ADGRF3: variants seen among roughly 807,000 people sequenced by gnomAD.
ADGRF3 encodes adhesion G protein-coupled receptor F3.
In ADGRF3, 85 loss-of-function variants were observed where a neutral mutation model predicts 93.2. That is an observed-to-expected ratio of 0.91 (90% confidence interval 0.77 to 1.09). The LOEUF is 1.09. Ranked by LOEUF, ADGRF3 falls within the 50% of genes least tolerant of loss-of-function variation. The probability of loss-of-function intolerance (pLI) is 0.00; values close to 1 mark genes in which losing one functional copy is unlikely to be tolerated. For synonymous variants in ADGRF3, 534 were observed against 532.5 expected, an observed-to-expected ratio of 1.00 and a Z score of -0.04; for missense variants, 1,125 against 1,246.2, an observed-to-expected ratio of 0.90 and a Z score of 1.46.
intron 1 of ADGRF3, among the ~76,000 whole-genome samples, chr2:26,338,865 C>A (rs541008964): frequency 6.6e-6 from 1 of 151,680 alleles, no homozygotes; most frequent in African/African-American, 2.4e-5. Flanking sequence ...TGGCTGGGTG[C>A]GGTGGCTCAC....
intron 1 of ADGRF3, among the ~76,000 whole-genome samples, chr2:26,320,535 T>C (rs984978268): frequency 1.3e-5 from 2 of 152,178 alleles, no homozygotes; most frequent in African/African-American, 2.4e-5. Context: ...TTGATAAACA[T>C]ATACAAACCT....
intron 10 of ADGRF3, 29 bp downstream of exon 10, chr2:26,310,663 A>G (rs1574692026): frequency 6.9e-6 from 11 of 1,590,426 alleles, no homozygotes; most frequent in East Asian, 4.6e-5. Context: ...TAAAAAAGCA[A>G]AAAACACAGC....
intron 1 of ADGRF3, among the ~76,000 whole-genome samples, chr2:26,345,545 C>T (rs917394221): frequency 6.6e-6 from 1 of 152,180 alleles, no homozygotes; most frequent in African/African-American, 2.4e-5. Flanking sequence ...GCTGACCGCA[C>T]AAAGACTCCC....
chr2:26,314,800 A>G lies in ADGRF3; in HGVS notation c.719-177T>C, dbSNP rs1674511725. On this transcript the variant is annotated intron_variant, in intron 5 of 13. Transcript: ENST00000651242. ...TGGTGGACATTCCCTGTCCCCAAGAAGGATTTCTAGGAGGTAGAAGAGATC... is the reference window on the plus strand; with the variant it reads ...TGGTGGACATTCCCTGTCCCCAAGAGGGATTTCTAGGAGGTAGAAGAGATC... 14 of 607,254 alleles carry G rather than the reference A, an allele frequency of 2.3e-5. No homozygotes were observed. In the South Asian group the frequency reaches 2.8e-4, roughly 12 times the overall value. 37.6% of individuals were successfully genotyped at this position (607,254 alleles called of 1,614,324 possible). A position where few individuals can be genotyped will look rare whatever the true frequency, so the allele number is the denominator to read the frequency against.
intron 1 of ADGRF3, among the ~76,000 whole-genome samples, chr2:26,327,799 G>T (rs984528835): frequency 2.0e-5 from 3 of 151,188 alleles, no homozygotes; most frequent in African/African-American, 7.3e-5. Context: ...ACTCCCAGAG[G>T]ACTCCAGGAC....
At chr2:26,335,196 A>G (rs954801623) in intron 1 of ADGRF3, among the ~76,000 whole-genome samples, 3 of 152,066 alleles carry the variant, frequency 2.0e-5, no homozygotes, top group East Asian at 1.9e-4. Flanking sequence ...GTTATTCCCA[A>G]TCCTTCCCTG....
At position 26,313,070 on chromosome 2, in the gene ADGRF3, G is replaced by T. The variant is rs567737388; in HGVS notation, c.1322C>A (p.Ala441Glu). The T allele has an allele frequency of 1.2e-6, 2 of 1,614,044 alleles. No individual in the cohort carries two copies. Among genetic ancestry groups the T allele is most frequent in the East Asian group, 4.5e-5 (2 of 44,886 alleles). Reference sequence around the variant, plus strand: ...CTCTGCCGCCTGCCCTGGCAGCTGTGCCAGGATCTGTGGCACCTCCTCAGC... The same window carrying T: ...CTCTGCCGCCTGCCCTGGCAGCTGTTCCAGGATCTGTGGCACCTCCTCAGC... ...SPAEEVPQILAQLPGQAAEAS... is the reference protein window; with the variant it reads ...SPAEEVPQILEQLPGQAAEAS... The change falls in exon 9 of 14, where the codon GCA (alanine) becomes GAA (glutamate). Residue 441 changes from alanine (A) to glutamate (E), a missense_variant. Transcript: ENST00000651242.
chr2:26,311,190 G>A lies in ADGRF3; in HGVS notation c.2334C>T (p.Phe778=), dbSNP rs914124120. The part of the protein sequence containing the change: ...PRSPLCLAAA[F]LCHFLYLATF... The stretch of plus-strand genomic sequence containing the variant: ...TGGCCAGGTAGAGGAAATGACAGAG[G>A]AAGGCGGCAGCAAGGCAGAGCGGGC... Residue 778 remains phenylalanine, a synonymous_variant, in exon 10 of 14, where the codon TTC becomes TTT. Transcript: ENST00000651242. 1.2e-6 allele frequency: 2 copies of A among 1,600,074 alleles called. No homozygotes were observed. The highest frequency in any genetic ancestry group is 1.7e-6 in the Non-Finnish European group (2 of 1,173,696).
chr2:26,311,382 T>A lies in ADGRF3; in HGVS notation c.2142A>T (p.Ile714=), dbSNP rs114354727. The A allele has an allele frequency of 1.5e-5, 25 of 1,613,766 alleles. No homozygotes were observed. The highest frequency in any genetic ancestry group is 2.1e-5 in the Non-Finnish European group (25 of 1,179,880). ...CACCCAGGCACACAAGCAGCGCCAGTATGGAAGCTCCCAAGCCCACTTGAG... is the reference window on the plus strand; with the variant it reads ...CACCCAGGCACACAAGCAGCGCCAGAATGGAAGCTCCCAAGCCCACTTGAG... ...LLTQVGLGAS[I]LALLVCLGVY... Residue 714 remains isoleucine (I), a synonymous_variant, in exon 10 of 14, where the codon ATA becomes ATT. Transcript: ENST00000651242.
At chr2:26,337,321 G>T (rs1442538047) in intron 1 of ADGRF3, among the ~76,000 whole-genome samples, 1 of 152,218 alleles carries the variant, frequency 6.6e-6, no homozygotes, top group Admixed American at 6.5e-5. Flanking sequence ...AGGCCTTGTA[G>T]CTTCCACTTT....
At chr2:26,322,230 C>T (rs749712824) in intron 1 of ADGRF3, among the ~76,000 whole-genome samples, 6 of 145,596 alleles carry the variant, frequency 4.1e-5, no homozygotes, top group Non-Finnish European at 9.0e-5. Context: ...TGCAGTGAGC[C>T]GAGATCACTG....
Position 26,311,416 on chromosome 2 carries a change from G to A in ADGRF3, c.2108C>T (p.Ala703Val), listed in dbSNP as rs1027965955. The A allele has an allele frequency of 1.4e-5, 23 of 1,614,040 alleles. No individual in the cohort carries two copies. Among genetic ancestry groups the A allele is most frequent in the Non-Finnish European group, 1.7e-5 (20 of 1,179,898 alleles). ...PHTVPEEPAL[A>V]LLTQVGLGAS... ...TCCCAAGCCCACTTGAGTCAGCAGC[G>A]CCAGAGCGGGTTCTTCCGGAACAGT... Residue 703 changes from alanine to valine, a missense_variant, in exon 10 of 14, where the codon GCG becomes GTG. By Grantham distance (64) the Ala-to-Val change is moderately conservative. Transcript: ENST00000651242.
At chr2:26,310,571 C>T (rs572485342) in intron 10 of ADGRF3, 121 bp downstream of exon 10, 1 of 1,069,794 alleles carries the variant, frequency 9.3e-7, no homozygotes, top group Non-Finnish European at 1.3e-6. Flanking sequence ...ACACCTAAGC[C>T]TTCCAAAATT....
intron 1 of ADGRF3, chr2:26,318,088 A>G: frequency 6.5e-7 from 1 of 1,550,332 alleles, no homozygotes; most frequent in South Asian, 1.2e-5. Context: ...CCAAAGCTAG[A>G]AGATAGGGGG....
chr2:26,323,329 C>T (rs942808197), intron 1 of ADGRF3, among the ~76,000 whole-genome samples: 2 of 152,156 alleles, frequency 1.3e-5, no homozygotes, highest in Non-Finnish European at 2.9e-5. Context: ...GGTGATTGGC[C>T]TTTGTCCCTC....
intron 3 of ADGRF3, 27 bp downstream of exon 3, chr2:26,316,885 T>C: frequency 1.3e-6 from 2 of 1,585,354 alleles, no homozygotes; most frequent in Non-Finnish European, 1.7e-6. Flanking sequence ...TCATTCACTC[T>C]CAGCCCCCTT....
At chr2:26,343,624 T>C in intron 1 of ADGRF3, among the ~76,000 whole-genome samples, 1 of 152,136 alleles carries the variant, frequency 6.6e-6, no homozygotes, top group East Asian at 1.9e-4. Flanking sequence ...TTTATATTTT[T>C]AGTAGAGACG....
chr2:26,317,485 C>T lies in ADGRF3; in HGVS notation c.181+11G>A. 1 of 1,586,676 alleles carries T rather than the reference C, an allele frequency of 6.3e-7. No homozygotes were observed. The highest frequency in any genetic ancestry group is 8.6e-7 in the Non-Finnish European group (1 of 1,166,646). On this transcript the variant is annotated intron_variant, in intron 2 of 13. Transcript: ENST00000651242. ...CCTCCCCCTCCCTCCTCCTCCTGTC[C>T]ATACACTCACCCCCTGCTCCATTCT... is the stretch of plus-strand genomic sequence containing the variant.
At position 26,346,115 on chromosome 2, in the gene ADGRF3, TC is replaced by T; in HGVS notation, c.114+5del. 1 of 1,578,578 alleles carries T rather than the reference TC, an allele frequency of 6.3e-7. No individual in the cohort carries two copies. On this transcript the variant is annotated splice_donor_5th_base_variant and intron_variant, in intron 1 of 13. Coordinates refer to ENST00000651242, the MANE Select transcript of ADGRF3 (RefSeq NM_001321971.2). ...GTGCGCGGTGGGCGGAGCGCGGCTC[TC>T]CTACCTTCTCGGGCAGCCCAGTCTT...
Sources: allele counts gnomAD v4.1 joint callset (sites outside exome capture counted in the v4.1 genomes callset), GRCh38; gene constraint gnomAD v4.1.1; transcripts MANE v1.5; gene names NCBI Gene and HGNC (gene_info 2026-07-23, HGNC 2026-07-21).